WEE1: variants seen among roughly 807,000 people sequenced by gnomAD.
The protein encoded by WEE1 is wee1-like protein kinase.
In WEE1, 16 loss-of-function variants were observed where a neutral mutation model predicts 68.8. That is an observed-to-expected ratio of 0.23 (90% CI 0.16 to 0.35). The LOEUF is 0.35. WEE1 is among the 10% of genes least tolerant of loss of function. The probability of loss-of-function intolerance (pLI) is 1.00; values close to 1 mark genes in which losing one functional copy is unlikely to be tolerated. For missense variants in WEE1, 651 were observed against 824.1 expected (o/e 0.79, Z 2.57); for synonymous variants, 349 against 318.7 (o/e 1.09, Z -1.01).
chr11:9,585,661 G>T, intron 8 of WEE1, 134 bp downstream of exon 8: 1 of 744,966 alleles, frequency 1.3e-6, no homozygotes, highest in Non-Finnish European at 2.0e-6. Context: ...TCATCTGAGG[G>T]CATTTAATAA....
intron 6 of WEE1, 34 bp from the exon 7 acceptor site, chr11:9,585,224 A>G (rs1849686961): frequency 2.8e-6 from 4 of 1,452,092 alleles, no homozygotes; most frequent in Non-Finnish European, 3.8e-6. Flanking sequence ...TTTTATTATT[A>G]TTAGTTTGGC....
chr11:9,582,819 C>T (rs1349104797), intron 6 of WEE1, among the ~76,000 whole-genome samples: 1 of 152,140 alleles, frequency 6.6e-6, no homozygotes, highest in African/African-American at 2.4e-5. Context: ...CCCACCATGG[C>T]CTCCCAAAGT....
intron 6 of WEE1, among the ~76,000 whole-genome samples, chr11:9,583,067 G>A (rs377153532): frequency 1.1e-4 from 17 of 152,154 alleles, no homozygotes; most frequent in East Asian, 7.8e-4. Flanking sequence ...TGTAATCCCA[G>A]CACTCTGGCA....
chr11:9,576,083 T>C lies in WEE1; in HGVS notation c.772T>C (p.Tyr258His). The C allele has an allele frequency of 6.2e-7, 1 of 1,614,162 alleles. No individual in the cohort carries two copies. The highest frequency in any genetic ancestry group is 8.5e-7 in the Non-Finnish European group (1 of 1,179,994). ...ACAGTGTCGTCGTAGAAAGAGAACG[T>C]ATTGGAATGAGTAAGTCGTTTATTT... Reference protein sequence around the residue: ...SGQCRRRKRTYWNDSCGEDME... With the variant: ...SGQCRRRKRTHWNDSCGEDME... The change falls in exon 2 of 11, where the codon TAT becomes CAT. Residue 258 changes from tyrosine (Y) to histidine (H), a missense_variant. This residue lies in a region of WEE1 where 395 missense variants were observed against 378.4 expected (regional missense o/e 1.04). Transcript: ENST00000450114. The surrounding 1 kb of genome is among the most constrained non-coding windows in gnomAD (Gnocchi z 4.3).
At position 9,586,564 on chromosome 11, in the gene WEE1, G is replaced by C; in HGVS notation, c.1586G>C (p.Gly529Ala). The change falls in exon 9 of 11, where the codon GGT becomes GCT. Residue 529 changes from glycine (G) to alanine (A), a missense_variant. This residue lies in a region of WEE1 where 115 missense variants were observed against 142.7 expected (regional missense o/e 0.81). Transcript: ENST00000450114. ...NGDQWHEIRQ[G>A]RLPRIPQVLS... Reference sequence around the variant, plus strand: ...GATCAATGGCATGAAATCAGACAGGGTAGATTACCTCGGATACCACAAGTG... The same window carrying C: ...GATCAATGGCATGAAATCAGACAGGCTAGATTACCTCGGATACCACAAGTG... 2 of 1,614,132 alleles carry C rather than the reference G, an allele frequency of 1.2e-6. No individual in the cohort carries two copies. The highest frequency in any genetic ancestry group is 1.7e-6 in the Non-Finnish European group (2 of 1,180,018).
Position 9,576,146 on chromosome 11 carries a change from G to A in WEE1, c.782+53G>A. 1 of 1,609,170 alleles carries A rather than the reference G, an allele frequency of 6.2e-7. No individual in the cohort carries two copies. Among genetic ancestry groups the A allele is most frequent in the Non-Finnish European group, 8.5e-7 (1 of 1,176,886 alleles). ...CTCCAAATAACCTAAGATTGGTTTG[G>A]TATACTTATCAAAATTTAGTTCCTA... On this transcript the variant is annotated intron_variant, in intron 2 of 10. Transcript: ENST00000450114. This position sits in a 1 kb window ranked among gnomAD's most constrained non-coding sequence, Gnocchi z 4.3.
chr11:9,576,702 G>T lies in WEE1; in HGVS notation c.1019+43G>T. 6.4e-7 allele frequency: 1 copy of T among 1,569,828 alleles called. No homozygotes were observed. The highest frequency in any genetic ancestry group is 1.2e-5 in the South Asian group (1 of 83,876). On this transcript the variant is annotated intron_variant, in intron 4 of 10. Transcript: ENST00000450114. This position sits in a 1 kb window ranked among gnomAD's most constrained non-coding sequence, Gnocchi z 4.3. The stretch of plus-strand genomic sequence containing the variant: ...TGTCTTTTGCTCTTTTGTCCCCTAT[G>T]GTGTTACTAACATTAAGGTTTCAGC...
chr11:9,580,498 T>C, intron 5 of WEE1: 1 of 139,276 alleles, frequency 7.2e-6, no homozygotes, highest in African/African-American at 2.6e-5. Flanking sequence ...TGAGTCTCAC[T>C]CTGCCACCAG....
chr11:9,577,045 T>TA (rs1849572139), intron 4 of WEE1, 97 bp from the exon 5 acceptor site: 2 of 1,397,678 alleles, frequency 1.4e-6, no homozygotes, highest in South Asian at 1.5e-5. Flanking sequence ...TAACAATAGA[T>TA]ACCAAAAATT....
rs563734769 is a variant in WEE1 at position 9,586,986 on chromosome 11, C to G, written c.1787+130C>G. The G allele has an allele frequency of 3.9e-5, 41 of 1,042,404 alleles. No homozygotes were observed. In the African/African-American group the frequency reaches 6.1e-4, roughly 16 times the overall value. The allele number at this position is 1,042,404 out of a possible 1,614,324, so 64.6% of individuals were successfully genotyped here. A position where few individuals can be genotyped will look rare whatever the true frequency, so the allele number is the denominator to read the frequency against. On this transcript the variant is annotated intron_variant, in intron 10 of 10. Transcript: ENST00000450114. ...TTTTTGTGTTTTTTGTTTTTTGAGA[C>G]AGGGTCTCACTGTCATCAGGCTGGA...
chr11:9,584,989 T>C (rs1849684272), intron 6 of WEE1, among the ~76,000 whole-genome samples: 1 of 152,110 alleles, frequency 6.6e-6, no homozygotes, highest in South Asian at 2.1e-4. Flanking sequence ...AGCATGAGAA[T>C]TGCTTGAACC....
intron 6 of WEE1, among the ~76,000 whole-genome samples, chr11:9,584,149 T>A (rs962054173): frequency 6.6e-6 from 1 of 150,450 alleles, no homozygotes; most frequent in Non-Finnish European, 1.5e-5. Context: ...CCCGGCCTTA[T>A]TTTTTAGAGA....
chr11:9,579,446 ATTATC>A (rs1046510550), intron 5 of WEE1: 2 of 152,146 alleles, frequency 1.3e-5, no homozygotes, highest in East Asian at 1.9e-4. Flanking sequence ...TAATTTCCTT[ATTATC>A]TTATTCATTT....
Position 9,584,200 on chromosome 11 carries a change from A to G in WEE1, c.1289-1058A>G, listed in dbSNP as rs576582839. 9.9e-5 allele frequency among the ~76,000 whole-genome samples: 15 copies of G among 152,136 alleles called. No homozygotes were observed. The East Asian group carries it at 2.5e-3, about 25-fold the overall frequency. On this transcript the variant is annotated intron_variant, in intron 6 of 10. Coordinates refer to ENST00000450114, the MANE Select transcript of WEE1 (RefSeq NM_003390.4). ...GCCCAGGCTAGAATGCAGTGGTGCA[A>G]TTATAGCTCACTGCAGCTTTGAATT...
intron 5 of WEE1, chr11:9,580,533 G>A (rs1285832395): frequency 7.0e-6 from 1 of 142,870 alleles, no homozygotes; most frequent in Non-Finnish European, 1.5e-5. Flanking sequence ...GCCCGATATC[G>A]GCTCACTGCA....
rs764815770 is a variant in WEE1 at position 9,588,631 on chromosome 11, A to G, written c.*29A>G. On this transcript the variant is annotated 3_prime_UTR_variant, in exon 11 of 11. Transcript: ENST00000450114. ...ACTCCTTTCCCACCTCCCCCTGAAC[A>G]CTGTGACAAGAGGAAGCTAGGTTGA... 2.0e-6 allele frequency: 3 copies of G among 1,487,948 alleles called. No homozygotes were observed. The highest frequency in any genetic ancestry group is 2.7e-6 in the Non-Finnish European group (3 of 1,120,696). The allele number at this position is 1,487,948 out of a possible 1,614,324, so 92.2% of individuals were successfully genotyped here.
chr11:9,588,889 C>A lies in WEE1; in HGVS notation c.*287C>A. On this transcript the variant is annotated 3_prime_UTR_variant, in exon 11 of 11. Transcript: ENST00000450114. ...GTGTGCTGCTTATAGTTTGCTGTTGCATTGTAATAAAAGGTGTCTTTCCCT... is the reference window on the plus strand; with the variant it reads ...GTGTGCTGCTTATAGTTTGCTGTTGAATTGTAATAAAAGGTGTCTTTCCCT... The A allele has an allele frequency of 2.0e-6, 2 of 1,023,200 alleles. No individual in the cohort carries two copies. The highest frequency in any genetic ancestry group is 2.3e-6 in the Non-Finnish European group (2 of 853,440). 63.4% of individuals were successfully genotyped at this position (1,023,200 alleles called of 1,614,324 possible). A position where few individuals can be genotyped will look rare whatever the true frequency, so the allele number is the denominator to read the frequency against.
intron 6 of WEE1, among the ~76,000 whole-genome samples, chr11:9,583,776 C>G (rs1849660347): frequency 1.2e-5 from 1 of 85,464 alleles, no homozygotes; most frequent in Non-Finnish European, 2.7e-5. Context: ...CACACACACA[C>G]ACACACACAC....
At chr11:9,586,941 T>C (rs767187196) in intron 10 of WEE1, 85 bp downstream of exon 10, 1 of 1,427,200 alleles carries the variant, frequency 7.0e-7, no homozygotes, top group Non-Finnish European at 9.4e-7. Flanking sequence ...AAGCTTTCTG[T>C]CAACAAAGGA....
Sources: allele counts gnomAD v4.1 joint callset (sites outside exome capture counted in the v4.1 genomes callset), GRCh38; gene constraint gnomAD v4.1.1; regional missense constraint gnomAD v4.1.1; non-coding constraint Gnocchi (gnomAD v3.1); transcripts MANE v1.5; gene names NCBI Gene and HGNC (gene_info 2026-07-23, HGNC 2026-07-21).